The following MPPED1 variants were observed in gnomAD, a reference collection of about 807,000 sequenced individuals.
MPPED1 encodes the protein metallophosphoesterase domain containing 1.
In MPPED1, 16 loss-of-function variants were observed where a neutral mutation model predicts 36.2. That is an observed-to-expected ratio of 0.44 (90% CI 0.30 to 0.67). MPPED1 has a LOEUF of 0.67. MPPED1 is among the 30% of genes least tolerant of loss of function. MPPED1 has a pLI of 0.10. For synonymous variants in MPPED1, 199 were observed against 191.3 expected (o/e 1.04, Z -0.33); for missense variants, 307 against 453.4 (o/e 0.68, Z 2.93).
intron 1 of MPPED1, among the ~76,000 whole-genome samples, chr22:43,422,601 G>C (rs1047600628): frequency 3.9e-5 from 6 of 152,158 alleles, no homozygotes; most frequent in Admixed American, 2.6e-4. Context: ...GGCACCCCTT[G>C]CTCCTGGAAC....
At chr22:43,485,046 T>C (rs933108954) in intron 4 of MPPED1, among the ~76,000 whole-genome samples, 1 of 151,462 alleles carries the variant, frequency 6.6e-6, no homozygotes, top group Non-Finnish European at 1.5e-5. Flanking sequence ...CATATTCACA[T>C]ACACACACAT....
At chr22:43,428,597 G>A (rs936384635) in intron 2 of MPPED1, among the ~76,000 whole-genome samples, 4 of 152,132 alleles carry the variant, frequency 2.6e-5, no homozygotes, top group African/African-American at 4.8e-5. Flanking sequence ...CTTTGTCTCC[G>A]GGGTGAGGGA....
At chr22:43,415,590 A>G (rs1372038799) in intron 1 of MPPED1, among the ~76,000 whole-genome samples, 1 of 152,186 alleles carries the variant, frequency 6.6e-6, no homozygotes, top group African/African-American at 2.4e-5. Flanking sequence ...CTTTTCATGA[A>G]TTACTCTGTG....
chr22:43,461,193 A>G (rs1207654180), intron 3 of MPPED1, among the ~76,000 whole-genome samples: 2 of 152,156 alleles, frequency 1.3e-5, no homozygotes, highest in South Asian at 2.1e-4. Flanking sequence ...GCGAAACCTC[A>G]TCTCTAAAAA....
At chr22:43,440,064 G>A (rs760447986) in intron 3 of MPPED1, among the ~76,000 whole-genome samples, 7 of 152,354 alleles carry the variant, frequency 4.6e-5, no homozygotes, top group South Asian at 2.1e-4. Context: ...CATGTCCAGC[G>A]CCAGCCAGCG....
At position 43,421,602 on chromosome 22, in the gene MPPED1, C is replaced by T. The variant is rs139739757; in HGVS notation, c.-78-3306C>T. ...AGATGGAGAGGGGGCAGTGACTCTT[C>T]GGTCTTCAGCTAAGCTCTCCTGACA... is the stretch of plus-strand genomic sequence containing the variant. On this transcript the variant is annotated intron_variant, in intron 1 of 6. Coordinates refer to ENST00000443721, the MANE Select transcript of MPPED1 (RefSeq NM_001044370.2). Among the ~76,000 whole-genome samples, 710 of 152,316 alleles carry T rather than the reference C, an allele frequency of 4.7e-3. 3 individuals carry two copies. Among genetic ancestry groups the T allele is most frequent in the Non-Finnish European group, 7.1e-3 (486 of 68,026 alleles).
intron 3 of MPPED1, among the ~76,000 whole-genome samples, chr22:43,463,823 C>CTTTT (rs1200953802): frequency 3.9e-5 from 3 of 77,904 alleles, no homozygotes; most frequent in Admixed American, 1.4e-4. Flanking sequence ...TTCTTTCTTT[C>CTTTT]TTTCTTTCTT....
chr22:43,461,651 A>G (rs1930961272), intron 3 of MPPED1, among the ~76,000 whole-genome samples: 1 of 152,202 alleles, frequency 6.6e-6, no homozygotes, highest in African/African-American at 2.4e-5. Flanking sequence ...TGCTCATAGC[A>G]AGAGAGATAT....
At chr22:43,437,572 G>A (rs1930004802) in intron 3 of MPPED1, among the ~76,000 whole-genome samples, 1 of 152,094 alleles carries the variant, frequency 6.6e-6, no homozygotes, top group Non-Finnish European at 1.5e-5. Flanking sequence ...GGGTGTGGAC[G>A]ATGCTGATTG....
chr22:43,471,837 C>G (rs2146881574), intron 3 of MPPED1, among the ~76,000 whole-genome samples: 1 of 152,318 alleles, frequency 6.6e-6, no homozygotes, highest in Admixed American at 6.5e-5. Context: ...CCCATGAGCA[C>G]AGCAAGCAGA....
intron 3 of MPPED1, among the ~76,000 whole-genome samples, chr22:43,451,208 T>C (rs1284597041): frequency 6.6e-6 from 1 of 152,140 alleles, no homozygotes; most frequent in Non-Finnish European, 1.5e-5. Flanking sequence ...GGTTTCACGA[T>C]GTTGGCCAGG....
In MPPED1 at chr22:43,505,688, A is replaced by G. The variant is rs1932796181; in HGVS notation, c.*72A>G. The G allele has an allele frequency of 1.4e-6, 2 of 1,388,346 alleles. No individual in the cohort carries two copies. The highest frequency in any genetic ancestry group is 2.0e-6 in the Non-Finnish European group (2 of 1,004,796). 86.0% of individuals were successfully genotyped at this position (1,388,346 alleles called of 1,614,324 possible). A position where few individuals can be genotyped will look rare whatever the true frequency, so the allele number is the denominator to read the frequency against. ...GCCTGGCCCGGCCACTGTTCCTTCC[A>G]TGCTGAGTTGCCTGGACGACCCATC... is the stretch of plus-strand genomic sequence containing the variant. On this transcript the variant is annotated 3_prime_UTR_variant, in exon 7 of 7. Coordinates refer to ENST00000443721, the MANE Select transcript of MPPED1 (RefSeq NM_001044370.2).
intron 4 of MPPED1, among the ~76,000 whole-genome samples, chr22:43,479,639 C>T (rs150886110): frequency 6.6e-6 from 1 of 152,340 alleles, no homozygotes; most frequent in Non-Finnish European, 1.5e-5. Flanking sequence ...CTTTACAGGG[C>T]CACAGTTCCT....
chr22:43,466,902 C>T (rs1198345785), intron 3 of MPPED1, among the ~76,000 whole-genome samples: 1 of 152,208 alleles, frequency 6.6e-6, no homozygotes, highest in African/African-American at 2.4e-5. Flanking sequence ...CCCTGTCTGG[C>T]CAGGCATGGT....
At position 43,433,696 on chromosome 22, in the gene MPPED1, A is replaced by G. The variant is rs1176086197; in HGVS notation, c.225-1338A>G. Among the ~76,000 whole-genome samples the G allele has an allele frequency of 3.9e-5, 6 of 152,172 alleles. No individual in the cohort carries two copies. In the East Asian group the frequency reaches 1.2e-3, roughly 29 times the overall value. ...TGGAGCGCGCTAGTGCGCCCTGCAC[A>G]TTAGCATGCTGAACCCACGTCTCTC... On this transcript the variant is annotated intron_variant, in intron 2 of 6. Coordinates refer to ENST00000443721, the MANE Select transcript of MPPED1 (RefSeq NM_001044370.2).
rs750703353 is a variant in MPPED1, at chr22:43,443,253, C to T, written c.406+8038C>T. The stretch of plus-strand genomic sequence containing the variant: ...GGGCCTGATCCTGGTGATCCTGGGC[C>T]GCTGACCAGCTGGGACGAGGGCATG... On this transcript the variant is annotated intron_variant, in intron 3 of 6. Transcript: ENST00000443721. Among the ~76,000 whole-genome samples, 17 of 152,120 alleles carry T rather than the reference C, an allele frequency of 1.1e-4. No individual in the cohort carries two copies. The East Asian group carries it at 2.9e-3, about 26-fold the overall frequency.
In MPPED1 at chr22:43,474,377, G is replaced by A. The variant is rs1931475092; in HGVS notation, c.407-359G>A. 6.6e-6 allele frequency among the ~76,000 whole-genome samples: 1 copy of A among 152,238 alleles called. No homozygotes were observed. Among genetic ancestry groups the A allele is most frequent in the African/African-American group, 2.4e-5 (1 of 41,454 alleles). ...TGGCCAGTGGAGGCCTGGACAGGCA[G>A]GACTGTGGGGACAGTGATCAGGCTG... is the stretch of plus-strand genomic sequence containing the variant. On this transcript the variant is annotated intron_variant, in intron 3 of 6. Coordinates refer to ENST00000443721, the MANE Select transcript of MPPED1 (RefSeq NM_001044370.2). The surrounding 1 kb of genome is among the most constrained non-coding windows in gnomAD (Gnocchi z 5.2).
chr22:43,500,715 G>A (rs1306778635), intron 5 of MPPED1, among the ~76,000 whole-genome samples: 1 of 152,028 alleles, frequency 6.6e-6, no homozygotes, highest in Non-Finnish European at 1.5e-5. Context: ...ACTGGTCCAG[G>A]ATAACTCCTG....
chr22:43,426,501 G>C (rs1441987086), intron 2 of MPPED1, among the ~76,000 whole-genome samples: 1 of 152,156 alleles, frequency 6.6e-6, no homozygotes, highest in Non-Finnish European at 1.5e-5. Flanking sequence ...GGCCGCCTCT[G>C]GGGCTGTGAT....
Sources: allele counts gnomAD v4.1 joint callset (sites outside exome capture counted in the v4.1 genomes callset), GRCh38; gene constraint gnomAD v4.1.1; non-coding constraint Gnocchi (gnomAD v3.1); transcripts MANE v1.5; gene names NCBI Gene and HGNC (gene_info 2026-07-23, HGNC 2026-07-21).